The following RNF19A variants were observed in gnomAD, a reference collection of about 807,000 sequenced individuals.
RNF19A encodes ring finger protein 19A, RBR E3 ubiquitin protein ligase, also known as E3 ubiquitin-protein ligase RNF19A.
Under a neutral mutation model 75.7 loss-of-function variants are expected in RNF19A, and 32 were observed. The observed-to-expected ratio is 0.42, with a 90% CI of 0.32 to 0.57. The LOEUF (loss-of-function observed/expected upper bound fraction) is 0.57, where lower values mean the gene tolerates loss of function less well. Ranked by LOEUF, RNF19A falls within the 20% of genes least tolerant of loss-of-function variation. The probability of loss-of-function intolerance (pLI) is 0.10; values close to 1 mark genes in which losing one functional copy is unlikely to be tolerated. For missense variants in RNF19A, 782 were observed against 1,036.3 expected, an observed-to-expected ratio of 0.75 and a Z score of 3.37; for synonymous variants, 335 against 345.2, an observed-to-expected ratio of 0.97 and a Z score of 0.33.
At chr8:100,279,024 A>G (rs1806515964) in intron 2 of RNF19A, among the ~76,000 whole-genome samples, 1 of 152,208 alleles carries the variant, frequency 6.6e-6, no homozygotes, top group Non-Finnish European at 1.5e-5. Context: ...ATTTTAAAAC[A>G]GCTTCATAAA....
Position 100,287,414 on chromosome 8 carries a change from TA to T in RNF19A, c.674+86del. On this transcript the variant is annotated intron_variant, in intron 2 of 9. Transcript: ENST00000341084. This position sits in a 1 kb window ranked among gnomAD's most constrained non-coding sequence, Gnocchi z 4.1. ...TCTGTTGAATGAATTCTCCAGCATG[TA>T]AAAATTTTTCTTTTGAGTAATAGCA... 7.9e-7 allele frequency: 1 copy of T among 1,266,486 alleles called. No individual in the cohort carries two copies. The highest frequency in any genetic ancestry group is 1.1e-6 in the Non-Finnish European group (1 of 916,316). 78.5% of individuals were successfully genotyped at this position (1,266,486 alleles called of 1,614,324 possible).
chr8:100,264,702 G>A lies in RNF19A; in HGVS notation c.1275C>T (p.Ile425=), dbSNP rs202024866. The A allele has an allele frequency of 1.5e-5, 25 of 1,613,250 alleles. No individual in the cohort carries two copies. The highest frequency in any genetic ancestry group is 1.3e-4 in the Admixed American group (8 of 59,938). The change falls in exon 6 of 10, where the codon ATC becomes ATT. Residue 425 remains isoleucine (I), a synonymous_variant. Coordinates refer to ENST00000341084, the MANE Select transcript of RNF19A (RefSeq NM_183419.4). The surrounding 1 kb of genome is among the most constrained non-coding windows in gnomAD (Gnocchi z 4.7). ...TCACTGCAGCTACTACTGGAGACAC[G>A]ATTACAGACAACGTTACACCACCTG... ...AIAGGVTLSV[I]VSPVVAAVTV... is the part of the protein sequence containing the mutation.
chr8:100,314,884 AAG>A (rs148057301), upstream of RNF19A, among the ~76,000 whole-genome samples: 790 of 152,324 alleles, frequency 5.2e-3, 10 homozygotes, highest in African/African-American at 0.019. The surrounding 1 kb of genome is among the most constrained non-coding windows in gnomAD (Gnocchi z 4.1). Context: ...TAGTGAGAGA[AAG>A]AGGAAGCAGG....
At position 100,274,969 on chromosome 8, in the gene RNF19A, T is replaced by C; in HGVS notation, c.867A>G (p.Gln289=). 6.2e-7 allele frequency: 1 copy of C among 1,613,750 alleles called. No homozygotes were observed. The highest frequency in any genetic ancestry group is 8.5e-7 in the Non-Finnish European group (1 of 1,179,742). The change falls in exon 3 of 10, where the codon CAA becomes CAG. Residue 289 remains glutamine (Q), a synonymous_variant. Coordinates refer to ENST00000341084, the MANE Select transcript of RNF19A (RefSeq NM_183419.4). ...TIRSSSISYS[Q]ESGAAADDIK... ...CATAAATACCTGCTGCTCCAGACTC[T>C]TGACTATAACTAATGGATGAAGAAC... is the stretch of plus-strand genomic sequence containing the variant.
At chr8:100,313,242 G>T, upstream of RNF19A, 1 of 781,400 alleles carries the variant, frequency 1.3e-6, no homozygotes, top group Non-Finnish European at 1.6e-6. Flanking sequence ...GCTTACATTG[G>T]GGGATGAGGA....
intron 1 of RNF19A, among the ~76,000 whole-genome samples, chr8:100,292,450 G>GTC (rs1563856954): frequency 6.6e-6 from 1 of 151,828 alleles, no homozygotes; most frequent in African/African-American, 2.4e-5. Flanking sequence ...GTGTGTGTGT[G>GTC]TGTGTGTGTG....
intron 3 of RNF19A, among the ~76,000 whole-genome samples, chr8:100,270,430 T>C (rs1820200274): frequency 6.6e-6 from 1 of 152,116 alleles, no homozygotes; most frequent in Non-Finnish European, 1.5e-5. Flanking sequence ...CTGTACACTA[T>C]TCCTTTAGTG....
intron 1 of RNF19A, among the ~76,000 whole-genome samples, chr8:100,315,698 T>C (rs1660310): frequency 2.0e-5 from 3 of 152,282 alleles, no homozygotes; most frequent in African/African-American, 7.2e-5. Context: ...GTTGTCCAGG[T>C]GGGAGTGCAG....
In RNF19A at chr8:100,333,970, G is replaced by A. The variant is rs1197024825; in HGVS notation, c.-243+2138C>T. Among the ~76,000 whole-genome samples, 3 of 152,212 alleles carry A rather than the reference G, an allele frequency of 2.0e-5. No homozygotes were observed. The East Asian group carries it at 5.8e-4, about 29-fold the overall frequency. On this transcript the variant is annotated intron_variant, in intron 1 of 3. Transcript: ENST00000519527. This position sits in a 1 kb window ranked among gnomAD's most constrained non-coding sequence, Gnocchi z 4.7. Reference sequence around the variant, plus strand: ...CCCACTCTACTGAAATTATCCAAGTGTATTTACTACTACTGCCCAATAAAC... The same window carrying A: ...CCCACTCTACTGAAATTATCCAAGTATATTTACTACTACTGCCCAATAAAC...
chr8:100,289,402 G>A (rs934047968), intron 1 of RNF19A, among the ~76,000 whole-genome samples: 6 of 152,204 alleles, frequency 3.9e-5, no homozygotes, highest in Admixed American at 1.3e-4. Flanking sequence ...GGTATGGGAG[G>A]AGACTTTTGC....
chr8:100,276,723 C>CA (rs60419107), intron 2 of RNF19A, among the ~76,000 whole-genome samples: 1,171 of 80,342 alleles, frequency 0.015, 4 homozygotes, highest in Non-Finnish European at 0.021. Context: ...ACCACTGTAC[C>CA]AAAAAAAAAA....
Position 100,284,143 on chromosome 8 carries a change from A to G in RNF19A, c.674+3358T>C, listed in dbSNP as rs1023539421. ...AGAATAATAAGTAAGAGCAATGACA[A>G]GCTTACTGTGTGCTAGGAATTTTGC... On this transcript the variant is annotated intron_variant, in intron 2 of 9. Coordinates refer to ENST00000341084, the MANE Select transcript of RNF19A (RefSeq NM_183419.4). This position sits in a 1 kb window ranked among gnomAD's most constrained non-coding sequence, Gnocchi z 4.3. Among the ~76,000 whole-genome samples, 1 of 152,188 alleles carries G rather than the reference A, an allele frequency of 6.6e-6. No individual in the cohort carries two copies. The highest frequency in any genetic ancestry group is 6.5e-5 in the Admixed American group (1 of 15,280).
chr8:100,288,592 T>C (rs1206997254), intron 1 of RNF19A, among the ~76,000 whole-genome samples: 1 of 152,206 alleles, frequency 6.6e-6, no homozygotes, highest in Admixed American at 6.5e-5. Context: ...CCATCAAGTA[T>C]ACATGCAAAT....
chr8:100,321,515 C>T (rs1478563952), intron 1 of RNF19A, among the ~76,000 whole-genome samples: 1 of 152,202 alleles, frequency 6.6e-6, no homozygotes, highest in Non-Finnish European at 1.5e-5. Flanking sequence ...TTGAACCCCT[C>T]AAAGTCATGC....
Position 100,259,937 on chromosome 8 carries a change from T to C in RNF19A, c.1743A>G (p.Thr581=), listed in dbSNP as rs1819635977. Residue 581 remains threonine (T), a synonymous_variant, in exon 9 of 10, where the codon ACA becomes ACG. Transcript: ENST00000341084. The surrounding 1 kb of genome is among the most constrained non-coding windows in gnomAD (Gnocchi z 4.5). The part of the protein sequence containing the change: ...ERYSLSGESG[T]VSLGTVSDNA... ...TATCACTAACTGTTCCCAAGCTGAC[T>C]GTGCCAGATTCTCCACTTAGACTGT... 6.2e-7 allele frequency: 1 copy of C among 1,613,878 alleles called. No individual in the cohort carries two copies. Among genetic ancestry groups the C allele is most frequent in the South Asian group, 1.1e-5 (1 of 91,084 alleles).
intron 1 of RNF19A, among the ~76,000 whole-genome samples, chr8:100,326,550 A>C (rs904835324): frequency 2.6e-5 from 4 of 151,982 alleles, no homozygotes; most frequent in African/African-American, 9.7e-5. Flanking sequence ...AACTGAGGTA[A>C]CCCCTCCCCC....
intron 2 of RNF19A, among the ~76,000 whole-genome samples, chr8:100,286,796 C>T (rs1202396729): frequency 2.0e-5 from 3 of 152,148 alleles, no homozygotes; most frequent in Non-Finnish European, 4.4e-5. Flanking sequence ...GTGGCTTTTA[C>T]TATTCCTGAA....
At chr8:100,314,102 G>C (rs1822340173), upstream of RNF19A, among the ~76,000 whole-genome samples, 1 of 151,686 alleles carries the variant, frequency 6.6e-6, no homozygotes, top group African/African-American at 2.4e-5. The surrounding 1 kb of genome is among the most constrained non-coding windows in gnomAD (Gnocchi z 4.1). Context: ...GGTGGGTCTT[G>C]AACTCCTGGG....
At chr8:100,274,249 A>T (rs1820396425) in intron 3 of RNF19A, among the ~76,000 whole-genome samples, 2 of 152,154 alleles carry the variant, frequency 1.3e-5, no homozygotes, top group Non-Finnish European at 2.9e-5. Context: ...CCCAACTTGG[A>T]GGAGAGGAAT....
Sources: allele counts gnomAD v4.1 joint callset (sites outside exome capture counted in the v4.1 genomes callset), GRCh38; gene constraint gnomAD v4.1.1; non-coding constraint Gnocchi (gnomAD v3.1); transcripts MANE v1.5; gene names NCBI Gene and HGNC (gene_info 2026-07-23, HGNC 2026-07-21).